Variants in HMOX2 observed in about 807,000 individuals in gnomAD.
HMOX2 encodes the protein heme oxygenase 2.
In HMOX2, 30 loss-of-function variants were observed where a neutral mutation model predicts 33.7. The ratio of observed to expected loss-of-function variants is 0.89; its 90% CI spans 0.67 to 1.21. HMOX2 has a LOEUF of 1.21. Among genes scored for constraint, HMOX2 ranks in the 50% most tolerant of loss-of-function variants. HMOX2 has a pLI of 0.00. For missense variants in HMOX2, 403 were observed against 399.1 expected (o/e 1.01, Z -0.08); for synonymous variants, 155 against 155.0 (o/e 1.00, Z 0.00).
At chr16:4,494,915 G>A (rs538261988) in intron 1 of HMOX2, among the ~76,000 whole-genome samples, 1 of 152,116 alleles carries the variant, frequency 6.6e-6, no homozygotes, top group East Asian at 1.9e-4. Context: ...GTTCATACCT[G>A]TAATCACAGC....
In HMOX2 at chr16:4,506,910, G is replaced by A. The variant is rs25685; in HGVS notation, c.102G>A (p.Ser34=). 0.045 allele frequency: 72,101 copies of A among 1,612,734 alleles called. 2,607 individuals are homozygous for A. The highest frequency in any genetic ancestry group is 0.18 in the African/African-American group (13,152 of 74,866). ...CTCTCCACAGAATGGCTGACCTCTC[G>A]GAGCTCCTGAAGGAAGGGACCAAGG... ...KENQMRMADL[S]ELLKEGTKEA... The change falls in exon 3 of 6, where the codon TCG becomes TCA. Residue 34 remains serine (S), a synonymous_variant. Transcript: ENST00000570646.
chr16:4,499,689 G>A (rs953940349), intron 1 of HMOX2, among the ~76,000 whole-genome samples: 2 of 152,174 alleles, frequency 1.3e-5, no homozygotes, highest in Non-Finnish European at 2.9e-5. Flanking sequence ...TCACCACAAA[G>A]AAATGATAAG....
intron 1 of HMOX2, chr16:4,495,635 G>A (rs1282053075): frequency 1.3e-5 from 2 of 152,216 alleles, no homozygotes; most frequent in African/African-American, 4.8e-5. Context: ...TTTACAGGAA[G>A]TTTATGTTAA....
At chr16:4,500,751 G>C (rs2058538601) in intron 1 of HMOX2, among the ~76,000 whole-genome samples, 1 of 152,188 alleles carries the variant, frequency 6.6e-6, no homozygotes, top group Non-Finnish European at 1.5e-5. Context: ...AGTCCTGGTA[G>C]TGCCTCATGC....
chr16:4,503,415 A>T (rs1300435022), intron 1 of HMOX2, among the ~76,000 whole-genome samples: 1 of 152,106 alleles, frequency 6.6e-6, no homozygotes, highest in Non-Finnish European at 1.5e-5. Flanking sequence ...CTGCTTTCAC[A>T]TTCTTCTAGA....
intron 1 of HMOX2, among the ~76,000 whole-genome samples, chr16:4,482,776 C>T (rs2058063078): frequency 6.6e-6 from 1 of 152,046 alleles, no homozygotes; most frequent in Admixed American, 6.6e-5. Context: ...GCCTGTAATC[C>T]CAGCACTTTG....
chr16:4,489,409 C>A (rs1019473847), intron 1 of HMOX2, among the ~76,000 whole-genome samples: 1 of 152,086 alleles, frequency 6.6e-6, no homozygotes, highest in Non-Finnish European at 1.5e-5. Flanking sequence ...CTCAGCCTCG[C>A]GAGTAGCTGG....
chr16:4,504,556 C>G (rs2058641073), intron 1 of HMOX2, among the ~76,000 whole-genome samples: 1 of 151,300 alleles, frequency 6.6e-6, no homozygotes, highest in African/African-American at 2.4e-5. Context: ...AACAGGGTTT[C>G]TCCATGTTGG....
At chr16:4,506,398 T>C (rs1252546300) in intron 2 of HMOX2, among the ~76,000 whole-genome samples, 1 of 152,144 alleles carries the variant, frequency 6.6e-6, no homozygotes, top group Non-Finnish European at 1.5e-5. Flanking sequence ...CCTAGTCACA[T>C]ATAGTCTCAA....
At chr16:4,505,005 G>GT (rs2058654771) in intron 1 of HMOX2, among the ~76,000 whole-genome samples, 1 of 152,086 alleles carries the variant, frequency 6.6e-6, no homozygotes, top group South Asian at 2.1e-4. Context: ...CAGAAAAATG[G>GT]TAAGAATAGT....
chr16:4,500,359 G>A (rs1482428648), intron 1 of HMOX2, among the ~76,000 whole-genome samples: 1 of 152,164 alleles, frequency 6.6e-6, no homozygotes, highest in Admixed American at 6.5e-5. Flanking sequence ...CAGCCACTTA[G>A]CCTCCCTGTG....
intron 1 of HMOX2, among the ~76,000 whole-genome samples, chr16:4,485,719 GTTTTTA>G (rs2058151035): frequency 6.6e-6 from 1 of 151,892 alleles, no homozygotes; most frequent in African/African-American, 2.4e-5. Flanking sequence ...TTTTGTTTTT[GTTTTTA>G]TTTTTGTTTT....
upstream of HMOX2, chr16:4,476,387 C>G (rs982920631): frequency 6.6e-6 from 1 of 152,244 alleles, no homozygotes; most frequent in African/African-American, 2.4e-5. Context: ...GCGCCGGCCT[C>G]GCGCCAGTCC....
chr16:4,482,712 A>G (rs1181974956), intron 1 of HMOX2, among the ~76,000 whole-genome samples: 9 of 152,112 alleles, frequency 5.9e-5, no homozygotes, highest in Non-Finnish European at 1.0e-4. Context: ...ACATTTACCA[A>G]TTTACTCTAA....
chr16:4,503,522 T>C (rs997670146), intron 1 of HMOX2, among the ~76,000 whole-genome samples: 2 of 152,262 alleles, frequency 1.3e-5, no homozygotes, highest in African/African-American at 4.8e-5. Flanking sequence ...TACATCCCGA[T>C]GTTTATTTTC....
At chr16:4,495,043 G>A (rs574699448) in intron 1 of HMOX2, among the ~76,000 whole-genome samples, 2 of 152,308 alleles carry the variant, frequency 1.3e-5, no homozygotes, top group Non-Finnish European at 2.9e-5. Context: ...GTTGTTTAGA[G>A]TAGAAGAGAG....
rs184702956 is a variant in HMOX2, at chr16:4,509,268, A to G, written c.697-144A>G. The stretch of plus-strand genomic sequence containing the variant: ...GGTGGGAGGACCACTTGAGCCTAGG[A>G]GTTTGAGGCTGCAGTGAGTTAGCCA... On this transcript the variant is annotated intron_variant, in intron 4 of 5. Coordinates refer to ENST00000570646, the MANE Select transcript of HMOX2 (RefSeq NM_002134.4). 397 of 1,017,782 alleles carry G rather than the reference A, an allele frequency of 3.9e-4. 1 individual carries two copies. Among genetic ancestry groups the G allele is most frequent in the Non-Finnish European group, 2.5e-4 (176 of 695,632 alleles). The allele number at this position is 1,017,782 out of a possible 1,614,324, so 63.0% of individuals were successfully genotyped here.
chr16:4,507,671 G>A (rs1419307316), intron 3 of HMOX2, 42 bp from the exon 4 acceptor site: 2 of 1,592,830 alleles, frequency 1.3e-6, no homozygotes, highest in South Asian at 2.3e-5. Context: ...CTCGGATGTG[G>A]TGTGCTCAGG....
chr16:4,494,073 T>C (rs2058362293), intron 1 of HMOX2, among the ~76,000 whole-genome samples: 1 of 152,004 alleles, frequency 6.6e-6, no homozygotes, highest in South Asian at 2.1e-4. Context: ...TCCCAGCACT[T>C]TGGGAGGCCG....
Sources: allele counts gnomAD v4.1 joint callset (sites outside exome capture counted in the v4.1 genomes callset), GRCh38; gene constraint gnomAD v4.1.1; transcripts MANE v1.5; gene names NCBI Gene and HGNC (gene_info 2026-07-23, HGNC 2026-07-21).